Variants in TRANK1 observed in about 807,000 individuals in gnomAD.
TRANK1 encodes the protein tetratricopeptide repeat and ankyrin repeat containing 1.
A neutral mutation model predicts 266.0 loss-of-function variants in TRANK1; 198 were observed. That is an observed-to-expected ratio of 0.74 (90% CI 0.66 to 0.84). The LOEUF (loss-of-function observed/expected upper bound fraction) is 0.84, where lower values mean the gene tolerates loss of function less well. Among genes scored for constraint, TRANK1 ranks in the 40% least tolerant of loss-of-function variants. The pLI, the probability that TRANK1 is intolerant of heterozygous loss-of-function variation, is 0.00. For missense variants in TRANK1, 3,326 were observed against 3,634.6 expected, an observed-to-expected ratio of 0.92 and a Z score of 2.18; for synonymous variants, 1,396 against 1,384.1, an observed-to-expected ratio of 1.01 and a Z score of -0.19.
intron 20 of TRANK1, among the ~76,000 whole-genome samples, chr3:36,835,314 G>C (rs1488423409): frequency 1.6e-5 from 1 of 61,980 alleles, no homozygotes; most frequent in Non-Finnish European, 2.5e-5. Context: ...GCGAGACTCC[G>C]TCTCAAAAAA....
At chr3:36,924,885 G>T (rs952507262) in intron 1 of TRANK1, among the ~76,000 whole-genome samples, 1 of 152,214 alleles carries the variant, frequency 6.6e-6, no homozygotes, top group African/African-American at 2.4e-5. Flanking sequence ...CCAAACCCCA[G>T]TGGCCTTAAG....
At chr3:36,922,328 G>A (rs1292318199) in intron 1 of TRANK1, among the ~76,000 whole-genome samples, 7 of 152,098 alleles carry the variant, frequency 4.6e-5, no homozygotes, top group South Asian at 4.1e-4. Context: ...GTTCAGGGCC[G>A]GGCGCAGTGG....
At chr3:36,862,186 A>G (rs1462883072) in intron 10 of TRANK1, among the ~76,000 whole-genome samples, 1 of 152,190 alleles carries the variant, frequency 6.6e-6, no homozygotes, top group African/African-American at 2.4e-5. Flanking sequence ...CTTATCTGAA[A>G]TTTAAATTCA....
chr3:36,895,641 T>C lies in TRANK1; in HGVS notation c.551A>G (p.His184Arg), dbSNP rs751264459. The C allele has an allele frequency of 1.3e-6, 2 of 1,523,216 alleles. No homozygotes were observed. Among genetic ancestry groups the C allele is most frequent in the African/African-American group, 2.8e-5 (2 of 72,680 alleles). 94.4% of individuals were successfully genotyped at this position (1,523,216 alleles called of 1,614,324 possible). A position where few individuals can be genotyped will look rare whatever the true frequency, so the allele number is the denominator to read the frequency against. Residue 184 changes from histidine (H) to arginine (R), a missense_variant and splice_region_variant, in exon 5 of 24, where the codon CAT (histidine) becomes CGT (arginine). Coordinates refer to ENST00000645898, the MANE Select transcript of TRANK1 (RefSeq NM_001329998.2). ...TGAGAGCCATCTCCTTTTACTTACATGCCATAATCCTTTCTTTGCCAACTT... is the reference window on the plus strand; with the variant it reads ...TGAGAGCCATCTCCTTTTACTTACACGCCATAATCCTTTCTTTGCCAACTT... ...IEKLAKKGLW[H>R]SFLLLSAKKD...
At chr3:36,885,587 T>C (rs890311543) in intron 8 of TRANK1, among the ~76,000 whole-genome samples, 27 of 152,254 alleles carry the variant, frequency 1.8e-4, no homozygotes, top group African/African-American at 4.1e-4. Flanking sequence ...CTGGGCTGAA[T>C]GCAGTAGCAC....
chr3:36,894,029 C>A (rs2079750952), intron 5 of TRANK1, among the ~76,000 whole-genome samples: 1 of 152,192 alleles, frequency 6.6e-6, no homozygotes, highest in Non-Finnish European at 1.5e-5. Flanking sequence ...CTCAACCCCA[C>A]ATGATAAGTT....
In TRANK1 at chr3:36,864,453, C is replaced by T; in HGVS notation, c.1106G>A (p.Ser369Asn). The T allele has an allele frequency of 6.5e-7, 1 of 1,536,158 alleles. No individual in the cohort carries two copies. Among genetic ancestry groups the T allele is most frequent in the Non-Finnish European group, 8.7e-7 (1 of 1,146,596 alleles). Residue 369 changes from serine to asparagine, a missense_variant, in exon 10 of 24, where the codon AGT (serine) becomes AAT (asparagine). Transcript: ENST00000645898. ...SGFSNGDGPT[S>N]ENDIFRKVLE... Reference sequence around the variant, plus strand: ...GACCTTCCTGAAAATGTCGTTTTCACTAGTGGGTCCATCACCATTGCTGAA... The same window carrying T: ...GACCTTCCTGAAAATGTCGTTTTCATTAGTGGGTCCATCACCATTGCTGAA...
chr3:36,892,024 G>A (rs1441402792), intron 7 of TRANK1, among the ~76,000 whole-genome samples, 178 bp downstream of exon 7: 2 of 152,162 alleles, frequency 1.3e-5, no homozygotes, highest in African/African-American at 4.8e-5. Context: ...TAGGTGCCAG[G>A]AAAGATAAAA....
Position 36,856,542 on chromosome 3 carries a change from C to T in TRANK1, c.3180G>A (p.Ala1060=), listed in dbSNP as rs772915260. 3.1e-6 allele frequency: 5 copies of T among 1,613,968 alleles called. No homozygotes were observed. In the South Asian group the frequency reaches 3.3e-5, roughly 11 times the overall value. ...GTGGCCTGGGATTGAGGTCGATCAC[C>T]GCGTACTCAAGCTCACCCACCCGGA... is the stretch of plus-strand genomic sequence containing the variant. The part of the protein sequence containing the change: ...YPFRVGELEY[A]VIDLNPRPLE... Residue 1060 remains alanine (A), a synonymous_variant, in exon 13 of 24, where the codon GCG becomes GCA. Coordinates refer to ENST00000645898, the MANE Select transcript of TRANK1 (RefSeq NM_001329998.2).
At chr3:36,849,224 C>G (rs998969905) in intron 15 of TRANK1, among the ~76,000 whole-genome samples, 4 of 152,134 alleles carry the variant, frequency 2.6e-5, no homozygotes, top group Non-Finnish European at 4.4e-5. Context: ...TTCTGTCCCA[C>G]CGCCATGAGT....
At position 36,856,825 on chromosome 3, in the gene TRANK1, A is replaced by G; in HGVS notation, c.2897T>C (p.Leu966Ser). The G allele has an allele frequency of 6.2e-7, 1 of 1,614,016 alleles. No individual in the cohort carries two copies. Among genetic ancestry groups the G allele is most frequent in the Non-Finnish European group, 8.5e-7 (1 of 1,179,886 alleles). ...CAGCTTCTTCCGCAGGACACAGGAC[A>G]AGCCCCGGTTGTAGGCATTGCAGAT... ...KAICNAYNRG[L>S]SCVLRKKLKG... The change falls in exon 13 of 24, where the codon TTG becomes TCG. Residue 966 changes from leucine to serine, a missense_variant. Physicochemically the swap from Leu to Ser is moderately radical, Grantham distance 145. Transcript: ENST00000645898.
chr3:36,896,132 T>C (rs1314325340), intron 4 of TRANK1, among the ~76,000 whole-genome samples: 1 of 152,166 alleles, frequency 6.6e-6, no homozygotes, highest in Non-Finnish European at 1.5e-5. Context: ...TTAAGAAAAA[T>C]GTGACAAATA....
chr3:36,864,695 A>ATGTGATTTT (rs1321215083), intron 9 of TRANK1, among the ~76,000 whole-genome samples: 1 of 152,158 alleles, frequency 6.6e-6, no homozygotes, highest in African/African-American at 2.4e-5. Flanking sequence ...AATGCAGTAG[A>ATGTGATTTT]TGTGATTTTT....
Position 36,857,662 on chromosome 3 carries a change from G to A in TRANK1, c.2060C>T (p.Ser687Leu), listed in dbSNP as rs1469075787. The A allele has an allele frequency of 6.2e-7, 1 of 1,613,896 alleles. No individual in the cohort carries two copies. The highest frequency in any genetic ancestry group is 2.2e-5 in the East Asian group (1 of 44,888). Residue 687 changes from serine (S) to leucine (L), a missense_variant, in exon 13 of 24, where the codon TCA becomes TTA. Ser to Leu is a moderately radical substitution (Grantham distance 145). Transcript: ENST00000645898. This position sits in a 1 kb window ranked among gnomAD's most constrained non-coding sequence, Gnocchi z 4.3. ...SQLKSQGSFK[S>L]VPCGATARTL... ...TCTGGCAGTGGCACCACATGGCACT[G>A]ACTTGAATGAACCCTGGGACTTGAG...
intron 15 of TRANK1, 46 bp from the exon 16 acceptor site, chr3:36,847,392 A>G: frequency 6.2e-7 from 1 of 1,602,408 alleles, no homozygotes; most frequent in Non-Finnish European, 8.5e-7. Context: ...ATGCTTTTGA[A>G]CTACGCATAC....
chr3:36,899,897 C>CA (rs1553627362), intron 3 of TRANK1, among the ~76,000 whole-genome samples: 2 of 152,190 alleles, frequency 1.3e-5, no homozygotes, highest in Admixed American at 1.3e-4. Flanking sequence ...CTTGCCCTAT[C>CA]ACCCAGGCTG....
At chr3:36,874,388 C>A in intron 8 of TRANK1, 92 bp from the exon 9 acceptor site, 2 of 1,388,146 alleles carry the variant, frequency 1.4e-6, no homozygotes, top group South Asian at 1.4e-5. Flanking sequence ...TCCTCCCAAG[C>A]AGCCCAGGGC....
chr3:36,857,980 T>C lies in TRANK1; in HGVS notation c.1742A>G (p.Tyr581Cys), dbSNP rs79550482. 2.8e-5 allele frequency: 45 copies of C among 1,599,442 alleles called. No individual in the cohort carries two copies. The highest frequency in any genetic ancestry group is 3.3e-4 in the Middle Eastern group (2 of 6,052). The change falls in exon 13 of 24, where the codon TAC becomes TGC. Residue 581 changes from tyrosine (Y) to cysteine (C), a missense_variant. Transcript: ENST00000645898. This position sits in a 1 kb window ranked among gnomAD's most constrained non-coding sequence, Gnocchi z 4.3. ...LFWSNPTEFD[Y>C]LNPNVQDSNG... ...GCTGTCCTGGACATTGGGGTTGAGG[T>C]AGTCGAATTCAGTGGGGTTGGACCA...
chr3:36,885,547 T>C (rs1176133734), intron 8 of TRANK1, among the ~76,000 whole-genome samples: 3 of 152,194 alleles, frequency 2.0e-5, no homozygotes, highest in Non-Finnish European at 2.9e-5. Context: ...CTGTATATTA[T>C]TTTTTAGAGA....
Sources: gnomAD v4.1 joint callset for allele counts (sites outside exome capture counted in the v4.1 genomes callset) on GRCh38, gnomAD v4.1.1 for gene constraint, Gnocchi (gnomAD v3.1) non-coding constraint, MANE v1.5 for transcripts, NCBI Gene and HGNC (gene_info 2026-07-23, HGNC 2026-07-21) for gene names.